Variants in MAGI3 observed in about 807,000 individuals in gnomAD.
MAGI3 encodes membrane-associated guanylate kinase, WW and PDZ domain-containing protein 3.
MAGI3 carries 43 observed loss-of-function variants against 121.8 expected under a neutral mutation model. The ratio of observed to expected loss-of-function variants is 0.35; its 90% CI spans 0.28 to 0.46. The LOEUF (loss-of-function observed/expected upper bound fraction) is 0.46, where lower values mean the gene tolerates loss of function less well. MAGI3 is among the 20% of genes least tolerant of loss of function. The pLI, the probability that MAGI3 is intolerant of heterozygous loss-of-function variation, is 1.00. For synonymous variants in MAGI3, 553 were observed against 639.3 expected, an observed-to-expected ratio of 0.86 and a Z score of 2.04; for missense variants, 1,547 against 1,797.3, an observed-to-expected ratio of 0.86 and a Z score of 2.52.
At chr1:113,495,709 T>C (rs1004754468) in intron 1 of MAGI3, among the ~76,000 whole-genome samples, 2 of 152,188 alleles carry the variant, frequency 1.3e-5, no homozygotes, top group East Asian at 3.8e-4. Flanking sequence ...AGCAGAGTAA[T>C]GCATTTAGGA....
At chr1:113,507,364 C>G (rs865939895) in intron 1 of MAGI3, among the ~76,000 whole-genome samples, 2 of 152,004 alleles carry the variant, frequency 1.3e-5, no homozygotes, top group South Asian at 4.1e-4. Context: ...AAGGGGATAG[C>G]GTTTATGTTA....
intron 1 of MAGI3, among the ~76,000 whole-genome samples, chr1:113,414,522 G>A (rs576112135): frequency 1.3e-5 from 2 of 151,918 alleles, no homozygotes; most frequent in Non-Finnish European, 2.9e-5. Flanking sequence ...TTTTTTTGTT[G>A]GTAGGCTATT....
chr1:113,681,372 T>C (rs760115158), intron 20 of MAGI3, 36 bp downstream of exon 20: 3 of 1,601,354 alleles, frequency 1.9e-6, no homozygotes, highest in Non-Finnish European at 2.6e-6. Flanking sequence ...TGAAAAGTTG[T>C]ATATTAGGGA....
chr1:113,436,123 A>T (rs1379627915), intron 1 of MAGI3, among the ~76,000 whole-genome samples: 6 of 152,182 alleles, frequency 3.9e-5, no homozygotes, highest in Non-Finnish European at 5.9e-5. Flanking sequence ...TGTTAGAATT[A>T]TAACATATTA....
intron 16 of MAGI3, among the ~76,000 whole-genome samples, chr1:113,666,223 C>T (rs1364477715): frequency 6.6e-6 from 1 of 152,128 alleles, no homozygotes; most frequent in Admixed American, 6.5e-5. Context: ...TAAAGTCTGC[C>T]ACATTGACTC....
chr1:113,577,929 T>G (rs1647756127), intron 2 of MAGI3, among the ~76,000 whole-genome samples: 1 of 152,230 alleles, frequency 6.6e-6, no homozygotes, highest in Non-Finnish European at 1.5e-5. Context: ...TGTTTTATAG[T>G]GGAGTTTATT....
At chr1:113,584,710 T>C (rs1015529701) in intron 3 of MAGI3, among the ~76,000 whole-genome samples, 1 of 152,198 alleles carries the variant, frequency 6.6e-6, no homozygotes, top group Non-Finnish European at 1.5e-5. Flanking sequence ...CAATTAGTCT[T>C]ACATGACAGC....
intron 7 of MAGI3, 74 bp from the exon 8 acceptor site, chr1:113,619,662 G>A: frequency 1.0e-6 from 1 of 981,858 alleles, no homozygotes; most frequent in South Asian, 1.4e-5. Flanking sequence ...ATGATGGAAT[G>A]GTATGATAGA....
chr1:113,681,386 G>A (rs1557890288), intron 20 of MAGI3, 50 bp downstream of exon 20: 3 of 1,571,524 alleles, frequency 1.9e-6, no homozygotes, highest in African/African-American at 1.4e-5. Context: ...TTAGGGAGGG[G>A]ACAGAAGAAA....
intron 16 of MAGI3, among the ~76,000 whole-genome samples, chr1:113,667,920 T>C (rs963650151): frequency 6.6e-6 from 1 of 152,132 alleles, no homozygotes; most frequent in African/African-American, 2.4e-5. Context: ...CACACACATA[T>C]TTATCGATTA....
At chr1:113,660,548 C>G (rs1272899297) in intron 16 of MAGI3, among the ~76,000 whole-genome samples, 1 of 151,630 alleles carries the variant, frequency 6.6e-6, no homozygotes, top group Non-Finnish European at 1.5e-5. Flanking sequence ...TAACCATATC[C>G]CTATTTAAAT....
intron 1 of MAGI3, among the ~76,000 whole-genome samples, chr1:113,482,109 T>C (rs1413385937): frequency 6.6e-6 from 1 of 152,056 alleles, no homozygotes; most frequent in Non-Finnish European, 1.5e-5. Context: ...ATTATAACTA[T>C]AAGATAAAAA....
chr1:113,566,058 G>T (rs1660423280), intron 2 of MAGI3, among the ~76,000 whole-genome samples: 2 of 152,114 alleles, frequency 1.3e-5, no homozygotes, highest in South Asian at 4.1e-4. Context: ...TGTAAATTTA[G>T]AGAAAGCAAA....
intron 1 of MAGI3, among the ~76,000 whole-genome samples, chr1:113,424,872 G>A (rs1224330380): frequency 1.3e-5 from 2 of 152,136 alleles, no homozygotes; most frequent in African/African-American, 2.4e-5. Flanking sequence ...GGTGGCTCAC[G>A]CCTGTAATCC....
intron 1 of MAGI3, among the ~76,000 whole-genome samples, chr1:113,504,044 A>G (rs1265406846): frequency 2.6e-5 from 4 of 152,076 alleles, no homozygotes; most frequent in Admixed American, 1.3e-4. Flanking sequence ...TGCATAGAGT[A>G]AAAAACTAGA....
At position 113,659,238 on chromosome 1, in the gene MAGI3, G is replaced by T. The variant is rs773542635; in HGVS notation, c.2788G>T (p.Val930Phe). The part of the protein sequence containing the change: ...VQLIKDAGVT[V>F]TLTVIAEEEH... Reference sequence around the variant, plus strand: ...GCTGATCAAAGATGCTGGTGTCACCGTCACACTAACGGTCATTGCTGAAGA... The same window carrying T: ...GCTGATCAAAGATGCTGGTGTCACCTTCACACTAACGGTCATTGCTGAAGA... The change falls in exon 16 of 21, where the codon GTC becomes TTC. Residue 930 changes from valine (V) to phenylalanine (F), a missense_variant. Physicochemically the swap from Val to Phe is conservative, Grantham distance 50. Coordinates refer to ENST00000307546, the MANE Select transcript of MAGI3 (RefSeq NM_001142782.2). The T allele has an allele frequency of 1.9e-6, 3 of 1,613,736 alleles. No homozygotes were observed. In the African/African-American group the frequency reaches 4.0e-5, roughly 22 times the overall value.
At chr1:113,415,269 T>C (rs1327101162) in intron 1 of MAGI3, among the ~76,000 whole-genome samples, 1 of 152,028 alleles carries the variant, frequency 6.6e-6, no homozygotes, top group Non-Finnish European at 1.5e-5. Context: ...AGTAGGAATG[T>C]TGGGTGTTTT....
rs772680723 is a variant in MAGI3, at chr1:113,682,951, C to A, written c.3383C>A (p.Ser1128Ter). The A allele has an allele frequency of 6.2e-7, 1 of 1,608,358 alleles. No individual in the cohort carries two copies. The highest frequency in any genetic ancestry group is 8.5e-7 in the Non-Finnish European group (1 of 1,178,416). ...TCAAATGTGATTTATGATGAACAGT[C>A]ACCATTACCCCCATCTTCACATTTT... ...SSSNVIYDEQSPLPPSSHFAS... is the reference protein window; with the variant it reads ...SSSNVIYDEQ Residue 1128 changes from serine to a stop codon, truncating the protein, a stop_gained, in exon 21 of 21, where the codon TCA (serine) becomes TAA (stop). Transcript: ENST00000307546. LOFTEE classifies it low-confidence loss of function (END_TRUNC).
intron 9 of MAGI3, among the ~76,000 whole-genome samples, chr1:113,633,159 T>C (rs1651750911): frequency 6.8e-6 from 1 of 147,178 alleles, no homozygotes; most frequent in African/African-American, 2.5e-5. Context: ...CAGTGTTTGG[T>C]TTTTTGTTCT....
Sources: gnomAD v4.1 joint callset for allele counts (sites outside exome capture counted in the v4.1 genomes callset) on GRCh38, gnomAD v4.1.1 for gene constraint, MANE v1.5 for transcripts, NCBI Gene and HGNC (gene_info 2026-07-23, HGNC 2026-07-21) for gene names.